PHF8: variants seen among roughly 807,000 people sequenced by gnomAD.
PHF8 encodes histone lysine demethylase PHF8.
In PHF8, 9 loss-of-function variants were observed where a neutral mutation model predicts 74.4. The observed-to-expected ratio is 0.12, with a 90% CI of 0.07 to 0.21. The LOEUF is 0.21. PHF8 is among the 10% of genes least tolerant of loss of function. The probability of loss-of-function intolerance (pLI) is 1.00; values close to 1 mark genes in which losing one functional copy is unlikely to be tolerated. For missense variants in PHF8, 478 were observed against 816.6 expected (o/e 0.59, Z 5.05); for synonymous variants, 311 against 316.6 (o/e 0.98, Z 0.19).
chrX:54,019,787 C>CAAAAAAAAAA (rs781792263), intron 4 of PHF8, among the ~76,000 whole-genome samples: 1 of 27,745 alleles, frequency 3.6e-5, no homozygotes, highest in African/African-American at 1.4e-4. Context: ...GACACCGCCT[C>CAAAAAAAAAA]AAAAAAAAAA....
intron 18 of PHF8, among the ~76,000 whole-genome samples, chrX:53,966,339 C>T (rs1557092588): frequency 8.9e-6 from 1 of 112,244 alleles, no homozygotes; most frequent in African/African-American, 3.2e-5. Context: ...CTGCCTGATT[C>T]TCCTGCCTCA....
chrX:54,021,203 T>G (rs1254100755), intron 4 of PHF8, among the ~76,000 whole-genome samples: 1 of 111,459 alleles, frequency 9.0e-6, no homozygotes, highest in Non-Finnish European at 1.9e-5. Context: ...AATCAAATAC[T>G]GCTTTTGTTC....
intron 19 of PHF8, among the ~76,000 whole-genome samples, chrX:53,957,736 G>A (rs2065035985): frequency 9.0e-6 from 1 of 111,440 alleles, no homozygotes; most frequent in African/African-American, 3.3e-5. Context: ...TGTAAAAAAC[G>A]TGGAACTTAA....
intron 7 of PHF8, 66 bp from the exon 8 acceptor site, chrX:54,011,350 C>G: frequency 1.1e-6 from 1 of 904,579 alleles, no homozygotes; most frequent in Non-Finnish European, 1.6e-6. Flanking sequence ...TTAACGGGTA[C>G]TCCAAAGGGG....
intron 2 of PHF8, among the ~76,000 whole-genome samples, chrX:54,035,225 A>C (rs782809790): frequency 6.6e-5 from 7 of 106,128 alleles, no homozygotes; most frequent in African/African-American, 2.1e-4. Flanking sequence ...GCTATGGTGG[A>C]CCACACCTGT....
chrX:54,034,400 C>T (rs989259023), intron 2 of PHF8, among the ~76,000 whole-genome samples: 3 of 111,635 alleles, frequency 2.7e-5, no homozygotes, highest in East Asian at 2.8e-4. Flanking sequence ...AGTTTTCAAG[C>T]GCTGAGATAA....
chrX:53,946,733 G>A (rs1185769251), intron 19 of PHF8, among the ~76,000 whole-genome samples: 2 of 111,891 alleles, frequency 1.8e-5, no homozygotes, highest in Admixed American at 1.9e-4. Context: ...TGACAATTTA[G>A]GAAATTTGAT....
chrX:54,021,545 T>A (rs1394211765), intron 4 of PHF8, among the ~76,000 whole-genome samples: 1 of 89,639 alleles, frequency 1.1e-5, no homozygotes, highest in Non-Finnish European at 2.1e-5. Context: ...CTCGGCTCAC[T>A]GCAAGCTCCG....
chrX:54,027,989 C>T (rs1332067999), intron 2 of PHF8, among the ~76,000 whole-genome samples: 1 of 103,384 alleles, frequency 9.7e-6, no homozygotes, highest in Non-Finnish European at 2.0e-5. Flanking sequence ...ACACACCACA[C>T]ACACACACAC....
intron 11 of PHF8, among the ~76,000 whole-genome samples, chrX:53,997,920 G>C (rs146204912): frequency 1.2e-3 from 132 of 111,793 alleles, no homozygotes; most frequent in Non-Finnish European, 2.0e-3. Flanking sequence ...CGAGGGGAAG[G>C]TTGGCAACAG....
intron 19 of PHF8, among the ~76,000 whole-genome samples, chrX:53,945,128 G>A (rs1233141715): frequency 4.5e-5 from 5 of 110,344 alleles, no homozygotes; most frequent in African/African-American, 9.9e-5. Flanking sequence ...GGTGGATCAC[G>A]AGGTCAGGAG....
intron 19 of PHF8, among the ~76,000 whole-genome samples, chrX:53,953,708 T>C (rs1272325980): frequency 9.4e-6 from 1 of 106,359 alleles, no homozygotes; most frequent in African/African-American, 3.5e-5. Flanking sequence ...AGGCAGTAAC[T>C]AATGGAGGAA....
At position 54,043,903 on chromosome X, in the gene PHF8, G is replaced by A; in HGVS notation, c.-234C>T. On this transcript the variant is annotated 5_prime_UTR_variant, in exon 1 of 22. Coordinates refer to ENST00000338154, the MANE Select transcript of PHF8 (RefSeq NM_015107.3). ...CACGCCCGCGGAGCTCAGCCCCAGC[G>A]ACACGCCGGCAGCCGGGCTAGCTCC... is the stretch of plus-strand genomic sequence containing the variant. 1.3e-6 allele frequency: 1 copy of A among 754,394 alleles called. No homozygotes were observed. The highest frequency in any genetic ancestry group is 1.6e-6 in the Non-Finnish European group (1 of 639,017). 62.2% of individuals were successfully genotyped at this position (754,394 alleles called of 1,213,427 possible).
At chrX:54,032,712 C>G (rs1384565813) in intron 2 of PHF8, among the ~76,000 whole-genome samples, 1 of 109,845 alleles carries the variant, frequency 9.1e-6, no homozygotes, top group Non-Finnish European at 1.9e-5. Context: ...CCCCCTCCCC[C>G]ACCCCGGTGT....
rs782403279 is a variant in PHF8, at chrX:54,036,116, A to G, written c.98+6515T>C. Among the ~76,000 whole-genome samples, 526 of 108,975 alleles carry G rather than the reference A, an allele frequency of 4.8e-3. 2 individuals carry two copies. Among genetic ancestry groups the G allele is most frequent in the Middle Eastern group, 0.014 (3 of 210 alleles). 94.6% of individuals were successfully genotyped at this position (108,975 alleles called of 115,157 possible). A position where few individuals can be genotyped will look rare whatever the true frequency, so the allele number is the denominator to read the frequency against. On this transcript the variant is annotated intron_variant, in intron 2 of 21. Coordinates refer to ENST00000338154, the MANE Select transcript of PHF8 (RefSeq NM_015107.3). ...AAACTCCATCTCAAAAAAAAAAAAAAAAAAGAAAAGAAAAAAGAAAAAATC... is the reference window on the plus strand; with the variant it reads ...AAACTCCATCTCAAAAAAAAAAAAAGAAAAGAAAAGAAAAAAGAAAAAATC...
chrX:53,999,460 T>C (rs2065796892), intron 11 of PHF8: 1 of 145,542 alleles, frequency 6.9e-6, no homozygotes, highest in Admixed American at 7.7e-5. Flanking sequence ...ATGTGGATTT[T>C]TGACTGCATT....
chrX:53,961,664 A>G (rs1450100059), intron 19 of PHF8, among the ~76,000 whole-genome samples: 1 of 110,773 alleles, frequency 9.0e-6, no homozygotes, highest in Admixed American at 9.8e-5. Flanking sequence ...ACTCACTAAC[A>G]TAACACTTCT....
intron 18 of PHF8, among the ~76,000 whole-genome samples, chrX:53,974,875 A>G (rs2065349796): frequency 8.9e-6 from 1 of 111,734 alleles, no homozygotes; most frequent in Admixed American, 9.6e-5. Flanking sequence ...ACATGGACAC[A>G]TGGGAGGCGG....
At chrX:53,999,733 C>T in intron 11 of PHF8, 137 bp downstream of exon 11, 1 of 466,548 alleles carries the variant, frequency 2.1e-6, no homozygotes, top group African/African-American at 2.4e-5. Flanking sequence ...TCAAAGGAAT[C>T]CTAGCCCACA....
Sources: allele counts gnomAD v4.1 joint callset (sites outside exome capture counted in the v4.1 genomes callset), GRCh38; gene constraint gnomAD v4.1.1; transcripts MANE v1.5; gene names NCBI Gene and HGNC (gene_info 2026-07-23, HGNC 2026-07-21).